COL24A1: variants seen among roughly 807,000 people sequenced by gnomAD.
COL24A1 encodes collagen alpha-1(XXIV) chain.
In COL24A1, 224 loss-of-function variants were observed where a neutral mutation model predicts 253.9. The observed-to-expected ratio is 0.88, with a 90% CI of 0.79 to 0.99. The LOEUF is 0.99. COL24A1 is among the 50% of genes least tolerant of loss of function. The probability of loss-of-function intolerance (pLI) is 0.00; values close to 1 mark genes in which losing one functional copy is unlikely to be tolerated. For missense variants in COL24A1, 2,131 were observed against 2,068.5 expected, an observed-to-expected ratio of 1.03 and a Z score of -0.59; for synonymous variants, 685 against 673.7, an observed-to-expected ratio of 1.02 and a Z score of -0.26.
chr1:86,066,255 T>C (rs956539997), intron 7 of COL24A1, among the ~76,000 whole-genome samples: 1 of 136,106 alleles, frequency 7.3e-6, no homozygotes, highest in African/African-American at 2.9e-5. Context: ...TTTTTTTTTT[T>C]TGAGGCAGAG....
At chr1:86,146,260 T>A (rs1208559845) in intron 1 of COL24A1, 77 bp from the exon 2 acceptor site, 6 of 1,109,742 alleles carry the variant, frequency 5.4e-6, no homozygotes, top group Non-Finnish European at 6.7e-6. Context: ...AAACAGTCTA[T>A]GCAAGATTAA....
At chr1:85,921,446 C>G (rs1686477711) in intron 24 of COL24A1, among the ~76,000 whole-genome samples, 1 of 152,118 alleles carries the variant, frequency 6.6e-6, no homozygotes, top group African/African-American at 2.4e-5. Context: ...CAGGCAGGTG[C>G]CCCTCTGGGA....
chr1:85,823,711 C>T lies in COL24A1; in HGVS notation c.3709G>A (p.Gly1237Ser), dbSNP rs777174192. 6.2e-7 allele frequency: 1 copy of T among 1,613,726 alleles called. No individual in the cohort carries two copies. The highest frequency in any genetic ancestry group is 1.1e-5 in the South Asian group (1 of 91,022). The stretch of plus-strand genomic sequence containing the variant: ...GGGGGTCCTTGTTGTCCAGTGGCAC[C>T]TCTTAGTCCTGGTACACCCACATGG... ...KGHVGVPGLR[G>S]ATGQQGPPGE... The change falls in exon 44 of 60, where the codon GGT becomes AGT. Residue 1237 changes from glycine to serine, a missense_variant. Transcript: ENST00000370571.
chr1:86,087,436 A>C (rs1230952478), intron 7 of COL24A1, among the ~76,000 whole-genome samples: 1 of 152,184 alleles, frequency 6.6e-6, no homozygotes, highest in African/African-American at 2.4e-5. Flanking sequence ...AATGGTTAAA[A>C]TCAAAGTATT....
At chr1:85,800,063 G>A (rs537907625) in intron 47 of COL24A1, among the ~76,000 whole-genome samples, 13 of 152,266 alleles carry the variant, frequency 8.5e-5, no homozygotes, top group African/African-American at 2.9e-4. Flanking sequence ...TATAAACAAT[G>A]GTTCCCAATT....
chr1:86,038,116 T>C (rs1049427742), intron 12 of COL24A1, among the ~76,000 whole-genome samples: 4 of 152,156 alleles, frequency 2.6e-5, no homozygotes, highest in African/African-American at 9.6e-5. Context: ...TCTATACTTA[T>C]GTAAAGACAA....
intron 2 of COL24A1, among the ~76,000 whole-genome samples, chr1:86,139,504 A>G (rs1452726596): frequency 6.6e-6 from 1 of 152,198 alleles, no homozygotes; most frequent in African/African-American, 2.4e-5. Context: ...TACTACCTCA[A>G]AATGGACAGA....
intron 19 of COL24A1, among the ~76,000 whole-genome samples, chr1:86,007,108 A>T (rs1696037575): frequency 6.6e-6 from 1 of 152,036 alleles, no homozygotes; most frequent in African/African-American, 2.4e-5. Flanking sequence ...CTCCCTACTC[A>T]GGCGGCTGAG....
intron 43 of COL24A1, among the ~76,000 whole-genome samples, chr1:85,829,520 T>C (rs547471171): frequency 1.3e-5 from 2 of 152,112 alleles, no homozygotes; most frequent in Admixed American, 1.3e-4. Flanking sequence ...CAGAGTGTTT[T>C]CCAACTTGGT....
At chr1:86,050,634 G>T (rs1435029190) in intron 10 of COL24A1, among the ~76,000 whole-genome samples, 1 of 151,984 alleles carries the variant, frequency 6.6e-6, no homozygotes, top group Non-Finnish European at 1.5e-5. Context: ...GTAAAATCTT[G>T]GTAAATAGAG....
intron 47 of COL24A1, among the ~76,000 whole-genome samples, chr1:85,794,264 C>T (rs1470629541): frequency 2.6e-5 from 4 of 151,994 alleles, no homozygotes; most frequent in Non-Finnish European, 4.4e-5. Context: ...ACCATTTTGC[C>T]TCACTTTACT....
chr1:85,745,528 G>A lies in COL24A1; in HGVS notation c.4438-22C>T, dbSNP rs866939847. The A allele has an allele frequency of 5.0e-6, 8 of 1,588,448 alleles. No individual in the cohort carries two copies. The Middle Eastern group carries it at 8.4e-4, about 166-fold the overall frequency. ...GCTTCTGTGTAAAACAAAACCATTT[G>A]AGATTAGCAATAAGATCAACACTGA... is the stretch of plus-strand genomic sequence containing the variant. On this transcript the variant is annotated intron_variant, in intron 55 of 59. Transcript: ENST00000370571.
chr1:86,062,898 T>C (rs2101776741), intron 8 of COL24A1, among the ~76,000 whole-genome samples: 1 of 152,198 alleles, frequency 6.6e-6, no homozygotes, highest in South Asian at 2.1e-4. Flanking sequence ...TGTTTCTTCA[T>C]TTATAGCTTT....
chr1:85,745,236 G>A (rs1665080761), intron 56 of COL24A1, among the ~76,000 whole-genome samples: 1 of 151,880 alleles, frequency 6.6e-6, no homozygotes, highest in Non-Finnish European at 1.5e-5. Context: ...TGATTTAAAT[G>A]TTTTCCTTAC....
intron 45 of COL24A1, 126 bp from the exon 46 acceptor site, chr1:85,818,213 G>C: frequency 1.5e-6 from 1 of 647,664 alleles, no homozygotes. Context: ...ATATCATTAG[G>C]ATTGCCATTT....
At chr1:85,755,298 G>A (rs962584435) in intron 55 of COL24A1, among the ~76,000 whole-genome samples, 3 of 152,078 alleles carry the variant, frequency 2.0e-5, no homozygotes, top group Admixed American at 6.6e-5. Flanking sequence ...AAATATTATA[G>A]GGAGTCATTC....
intron 43 of COL24A1, among the ~76,000 whole-genome samples, chr1:85,833,103 C>T (rs931955058): frequency 2.0e-5 from 3 of 152,080 alleles, no homozygotes; most frequent in African/African-American, 7.2e-5. Flanking sequence ...TACGTCCCAT[C>T]AATACCTAAT....
chr1:86,121,930 T>C (rs1571994103), intron 3 of COL24A1, among the ~76,000 whole-genome samples: 1 of 152,046 alleles, frequency 6.6e-6, no homozygotes, highest in Non-Finnish European at 1.5e-5. Context: ...GATAAAGAAC[T>C]GCATGGGTAT....
intron 7 of COL24A1, among the ~76,000 whole-genome samples, chr1:86,077,804 C>G (rs577753733): frequency 6.6e-6 from 1 of 150,798 alleles, no homozygotes; most frequent in East Asian, 2.0e-4. Context: ...CACATGGACA[C>G]AGGGAGGGGA....
Sources: allele counts gnomAD v4.1 joint callset (sites outside exome capture counted in the v4.1 genomes callset), GRCh38; gene constraint gnomAD v4.1.1; transcripts MANE v1.5; gene names NCBI Gene and HGNC (gene_info 2026-07-23, HGNC 2026-07-21).